Variants in CD44 observed in about 807,000 individuals in gnomAD.
The protein encoded by CD44 is CD44 antigen.
Under a neutral mutation model 88.8 loss-of-function variants are expected in CD44, and 49 were observed. That is an observed-to-expected ratio of 0.55 (90% confidence interval 0.44 to 0.70). CD44 has a LOEUF of 0.70. Among genes scored for constraint, CD44 ranks in the 30% least tolerant of loss-of-function variants. CD44 has a pLI of 0.00. For synonymous variants in CD44, 325 were observed against 312.3 expected, an observed-to-expected ratio of 1.04 and a Z score of -0.43; for missense variants, 883 against 913.8, an observed-to-expected ratio of 0.97 and a Z score of 0.43.
At chr11:35,181,921 T>TTATATATAAACATATATTATATATTA in intron 3 of CD44, among the ~76,000 whole-genome samples, 1 of 68,216 alleles carries the variant, frequency 1.5e-5, no homozygotes. Context: ...ATATTATATA[T>TTATATATAAACATATATTATATATTA]TATATTATAT....
intron 1 of CD44, among the ~76,000 whole-genome samples, chr11:35,154,303 T>A (rs1409393642): frequency 1.3e-5 from 2 of 152,128 alleles, no homozygotes. Context: ...TACAGGTGCC[T>A]CTTTTGGGGT....
At chr11:35,198,079 C>A (rs1232758704) in intron 6 of CD44, 42 bp from the exon 7 acceptor site, 1 of 1,593,702 alleles carries the variant, frequency 6.3e-7, no homozygotes, top group African/African-American at 1.3e-5. Flanking sequence ...AAGTGGGTTG[C>A]TTGGCGTCCA....
chr11:35,166,513 G>A (rs575182888), intron 1 of CD44, among the ~76,000 whole-genome samples: 246 of 152,306 alleles, frequency 1.6e-3, no homozygotes, highest in Middle Eastern at 3.4e-3. Context: ...TGTGCATTGG[G>A]TTGATCATTT....
At chr11:35,147,160 GT>G (rs1246162075) in intron 1 of CD44, among the ~76,000 whole-genome samples, 2 of 152,202 alleles carry the variant, frequency 1.3e-5, no homozygotes, top group African/African-American at 4.8e-5. Flanking sequence ...TGGCTGATTA[GT>G]GTTTCTCCAT....
Position 35,176,556 on chromosome 11 carries a change from T to C in CD44, c.68-19T>C, listed in dbSNP as rs766988805. 1.2e-6 allele frequency: 2 copies of C among 1,600,096 alleles called. No individual in the cohort carries two copies. Among genetic ancestry groups the C allele is most frequent in the South Asian group, 2.2e-5 (2 of 89,538 alleles). On this transcript the variant is annotated intron_variant, in intron 1 of 17. Coordinates refer to ENST00000428726, the MANE Select transcript of CD44 (RefSeq NM_000610.4). ...ATTATTTATGCAAAAGAATCTAACA[T>C]TTCTATTTCTTCCCATAGATTTGAA...
At chr11:35,185,648 A>G (rs1156310207) in intron 3 of CD44, among the ~76,000 whole-genome samples, 1 of 152,120 alleles carries the variant, frequency 6.6e-6, no homozygotes, top group Non-Finnish European at 1.5e-5. Context: ...GCCAGGAGCA[A>G]TTCTGGGAGA....
intron 1 of CD44, among the ~76,000 whole-genome samples, chr11:35,162,326 G>A (rs369801101): frequency 2.0e-5 from 3 of 152,276 alleles, no homozygotes; most frequent in African/African-American, 7.2e-5. Flanking sequence ...TGCGAGGTAT[G>A]GTCTCCTGTC....
At chr11:35,223,071 TCAAA>T (rs1218361063) in intron 17 of CD44, 69 of 985,130 alleles carry the variant, frequency 7.0e-5, no homozygotes, top group Middle Eastern at 1.0e-3. Flanking sequence ...CATGTTACAG[TCAAA>T]CAGCTATGTT....
chr11:35,198,983 A>T (rs1947036731), intron 7 of CD44, among the ~76,000 whole-genome samples: 1 of 151,468 alleles, frequency 6.6e-6, no homozygotes, highest in African/African-American at 2.4e-5. Context: ...AAAAAAAAAA[A>T]AGTTGTGGAA....
rs529674994 is a variant in CD44, at chr11:35,146,535, A to G, written c.67+7165A>G. ...ACCAGCGCCATTCTAATTGTTTCCTATATACTGCCTTGTTTAATCCAAACA... is the reference window on the plus strand; with the variant it reads ...ACCAGCGCCATTCTAATTGTTTCCTGTATACTGCCTTGTTTAATCCAAACA... On this transcript the variant is annotated intron_variant, in intron 1 of 17. Transcript: ENST00000428726. Among the ~76,000 whole-genome samples the G allele has an allele frequency of 1.4e-3, 210 of 152,284 alleles. 1 individual carries two copies. Among genetic ancestry groups the G allele is most frequent in the African/African-American group, 4.9e-3 (203 of 41,554 alleles).
chr11:35,180,428 C>T, intron 3 of CD44, 21 bp downstream of exon 3: 2 of 1,613,870 alleles, frequency 1.2e-6, no homozygotes, highest in Non-Finnish European at 1.7e-6. Context: ...AGGGGGGTGT[C>T]TGTTGGCGTG....
chr11:35,211,593 C>T, intron 14 of CD44, 144 bp downstream of exon 14: 1 of 632,582 alleles, frequency 1.6e-6, no homozygotes, highest in Non-Finnish European at 2.7e-6. Flanking sequence ...GTTATCAATT[C>T]TAGTGCAAAT....
chr11:35,209,058 G>A (rs2421826), intron 12 of CD44, among the ~76,000 whole-genome samples: 99,739 of 152,074 alleles, frequency 0.66, 33,069 homozygotes, highest in East Asian at 0.86. Flanking sequence ...TTATATTTCC[G>A]TTTTATGTCA....
chr11:35,148,185 C>A (rs536719633), intron 1 of CD44, among the ~76,000 whole-genome samples: 2 of 152,256 alleles, frequency 1.3e-5, no homozygotes, highest in Non-Finnish European at 2.9e-5. Flanking sequence ...TCTGCCCAAG[C>A]CCCCAGCTCT....
intron 5 of CD44, among the ~76,000 whole-genome samples, chr11:35,192,998 G>A (rs1259760063): frequency 6.6e-6 from 1 of 151,926 alleles, no homozygotes; most frequent in Non-Finnish European, 1.5e-5. Flanking sequence ...GGGTGAGGGT[G>A]GTGGGAATTA....
chr11:35,197,761 C>G, intron 6 of CD44: 2 of 155,374 alleles, frequency 1.3e-5, no homozygotes, highest in African/African-American at 2.5e-5. Flanking sequence ...CCTTTCCATT[C>G]TGTTCTTGAT....
intron 1 of CD44, among the ~76,000 whole-genome samples, chr11:35,165,525 T>C (rs1041798193): frequency 1.1e-4 from 16 of 152,216 alleles, no homozygotes; most frequent in Non-Finnish European, 1.9e-4. Context: ...GTGGCAAGAA[T>C]AGCAAAGCCT....
In CD44 at chr11:35,230,825, T is replaced by C. The variant is rs1025523461; in HGVS notation, c.*1492T>C. The C allele has an allele frequency of 1.3e-5, 2 of 152,210 alleles. No homozygotes were observed. Among genetic ancestry groups the C allele is most frequent in the African/African-American group, 4.8e-5 (2 of 41,446 alleles). The allele number at this position is 152,210 out of a possible 1,614,324, so 9.4% of individuals were successfully genotyped here. A position where few individuals can be genotyped will look rare whatever the true frequency, so the allele number is the denominator to read the frequency against. On this transcript the variant is annotated 3_prime_UTR_variant, in exon 18 of 18. Transcript: ENST00000428726. ...GCTGCTTGTCATAGAAGCCATTGCA[T>C]CTATAAAGCAACGGCTCCTGTTAAA...
At position 35,204,523 on chromosome 11, in the gene CD44, C is replaced by T. The variant is rs1305029708; in HGVS notation, c.1165C>T (p.Pro389Ser). Reference protein sequence around the residue: ...PHSTSTIQATPSSTTEETATQ... With the variant: ...PHSTSTIQATSSSTTEETATQ... The stretch of plus-strand genomic sequence containing the variant: ...TATTCTTCTCACAGTCCAGGCAACT[C>T]CTAGTAGTACAACGGAAGAAACAGC... The change falls in exon 10 of 18, where the codon CCT becomes TCT. Residue 389 changes from proline to serine, a missense_variant. Transcript: ENST00000428726. 1.2e-6 allele frequency: 2 copies of T among 1,613,134 alleles called. No individual in the cohort carries two copies. Among genetic ancestry groups the T allele is most frequent in the African/African-American group, 2.7e-5 (2 of 74,862 alleles).
Sources: gnomAD v4.1 joint callset for allele counts (sites outside exome capture counted in the v4.1 genomes callset) on GRCh38, gnomAD v4.1.1 for gene constraint, MANE v1.5 for transcripts, NCBI Gene and HGNC (gene_info 2026-07-23, HGNC 2026-07-21) for gene names.